LARGE1: variants seen among roughly 807,000 people sequenced by gnomAD.
The protein encoded by LARGE1 is LARGE xylosyl- and glucuronyltransferase 1, also known as xylosyl- and glucuronyltransferase LARGE1.
A neutral mutation model predicts 87.6 loss-of-function variants in LARGE1; 43 were observed. The observed-to-expected ratio is 0.49, with a 90% confidence interval of 0.38 to 0.63. The LOEUF is 0.63. Among genes scored for constraint, LARGE1 ranks in the 30% least tolerant of loss-of-function variants. The pLI is 0.00. For synonymous variants in LARGE1, 434 were observed against 394.6 expected (o/e 1.10, Z -1.18); for missense variants, 802 against 1,000.2 (o/e 0.80, Z 2.67).
chr22:33,179,344 C>A (rs1440593016), intron 11 of LARGE1, among the ~76,000 whole-genome samples: 1 of 152,100 alleles, frequency 6.6e-6, no homozygotes, highest in Non-Finnish European at 1.5e-5. Context: ...AGCCCTTTGC[C>A]CCCTACACAC....
intron 12 of LARGE1, among the ~76,000 whole-genome samples, chr22:33,291,041 A>C (rs949320972): frequency 6.6e-6 from 1 of 151,652 alleles, no homozygotes; most frequent in Non-Finnish European, 1.5e-5. Flanking sequence ...TCCATCTCAA[A>C]AAAAAAAAAA....
intron 11 of LARGE1, among the ~76,000 whole-genome samples, chr22:33,173,280 A>G (rs1480457784): frequency 6.6e-6 from 1 of 152,326 alleles, no homozygotes; most frequent in South Asian, 2.1e-4. Context: ...GCAAAGGAGA[A>G]ATAAAATACA....
chr22:33,311,560 T>C (rs909173857), intron 11 of LARGE1, among the ~76,000 whole-genome samples: 1 of 152,186 alleles, frequency 6.6e-6, no homozygotes, highest in Non-Finnish European at 1.5e-5. Flanking sequence ...ACCCAGACAA[T>C]AATCAGTGAA....
At chr22:33,159,885 C>T (rs998662627), downstream of LARGE1, among the ~76,000 whole-genome samples, 1 of 148,940 alleles carries the variant, frequency 6.7e-6, no homozygotes, top group Non-Finnish European at 1.5e-5. Flanking sequence ...CCATGCCTGG[C>T]AATCAATTTT....
chr22:33,094,073 C>G, the LARGE1 span, among the ~76,000 whole-genome samples: 2 of 151,844 alleles, frequency 1.3e-5, no homozygotes, highest in Admixed American at 1.3e-4. Flanking sequence ...ATTTGTAAAG[C>G]CTTCCTATTT....
chr22:33,104,889 C>CTCTCTCTTTCTTTCTTTCTT, the LARGE1 span, among the ~76,000 whole-genome samples: 54 of 89,222 alleles, frequency 6.1e-4, no homozygotes, highest in East Asian at 6.0e-3. Context: ...GACTTTCTCT[C>CTCTCTCTTTCTTTCTTTCTT]TCTTTCTTTC....
intron 6 of LARGE1, among the ~76,000 whole-genome samples, chr22:33,457,189 G>A (rs979686904): frequency 6.6e-5 from 10 of 151,770 alleles, no homozygotes; most frequent in East Asian, 1.9e-4. Flanking sequence ...GTGCAGTGGC[G>A]TGATCTTGGC....
chr22:33,579,412 G>T (rs1237863847), intron 5 of LARGE1, among the ~76,000 whole-genome samples: 1 of 152,134 alleles, frequency 6.6e-6, no homozygotes, highest in Non-Finnish European at 1.5e-5. Flanking sequence ...CCAGTCTTGG[G>T]TATATCTTTA....
chr22:33,732,664 T>A (rs769773770), intron 2 of LARGE1: 2 of 152,088 alleles, frequency 1.3e-5, no homozygotes, highest in Admixed American at 1.3e-4. Flanking sequence ...GTAATGAAAG[T>A]CTAAGTAAGC....
At chr22:33,786,000 A>C (rs1444893551) in intron 1 of LARGE1, among the ~76,000 whole-genome samples, 1 of 152,230 alleles carries the variant, frequency 6.6e-6, no homozygotes, top group Non-Finnish European at 1.5e-5. Flanking sequence ...CAGTACCAGA[A>C]GCCACAGGCA....
At chr22:33,828,135 G>A (rs1160861248) in intron 1 of LARGE1, among the ~76,000 whole-genome samples, 6 of 152,326 alleles carry the variant, frequency 3.9e-5, no homozygotes, top group African/African-American at 1.4e-4. Context: ...GAGGGGAGAA[G>A]ATGAGCTCTG....
At chr22:33,185,966 A>AT (rs1568964680) in intron 11 of LARGE1, among the ~76,000 whole-genome samples, 1 of 152,148 alleles carries the variant, frequency 6.6e-6, no homozygotes, top group Non-Finnish European at 1.5e-5. Flanking sequence ...CTACCTTATC[A>AT]AACCAGCACA....
intron 11 of LARGE1, among the ~76,000 whole-genome samples, chr22:33,231,701 C>T (rs1429790510): frequency 6.6e-6 from 1 of 152,174 alleles, no homozygotes; most frequent in Non-Finnish European, 1.5e-5. Context: ...GAAGACTAAT[C>T]CAGGTCTTTT....
intron 2 of LARGE1, among the ~76,000 whole-genome samples, chr22:33,729,928 G>A (rs1398780289): frequency 1.3e-5 from 2 of 152,166 alleles, no homozygotes; most frequent in African/African-American, 2.4e-5. Flanking sequence ...CATTGTTGGG[G>A]TATGGAAATG....
At chr22:33,147,146 C>T in the LARGE1 span, among the ~76,000 whole-genome samples, 1 of 152,178 alleles carries the variant, frequency 6.6e-6, no homozygotes, top group African/African-American at 2.4e-5. Context: ...TTTGTCCACT[C>T]TTCTGTTGAT....
intron 6 of LARGE1, among the ~76,000 whole-genome samples, chr22:33,517,412 T>G (rs1010781278): frequency 1.4e-4 from 22 of 152,132 alleles, no homozygotes; most frequent in African/African-American, 5.1e-4. Flanking sequence ...AGAATTCTTT[T>G]TTTGAGACAG....
intron 1 of LARGE1, among the ~76,000 whole-genome samples, chr22:33,906,043 T>C (rs940029084): frequency 4.6e-5 from 7 of 152,088 alleles, no homozygotes; most frequent in African/African-American, 1.7e-4. Flanking sequence ...GACAGGAGAA[T>C]TGCTTAAACC....
intron 9 of LARGE1, among the ~76,000 whole-genome samples, chr22:33,361,595 A>G (rs1223956454): frequency 6.7e-6 from 1 of 149,324 alleles, no homozygotes; most frequent in Non-Finnish European, 1.5e-5. Flanking sequence ...GGGTAGTGTG[A>G]GGGCAGCAGA....
At chr22:33,384,393 C>A in intron 7 of LARGE1, 89 bp from the exon 8 acceptor site, 1 of 932,604 alleles carries the variant, frequency 1.1e-6, no homozygotes, top group South Asian at 1.3e-5. Context: ...GCCACAGTCT[C>A]TCGGGGATGA....
Sources: gnomAD v4.1 joint callset for allele counts (sites outside exome capture counted in the v4.1 genomes callset) on GRCh38, gnomAD v4.1.1 for gene constraint, MANE v1.5 for transcripts, NCBI Gene and HGNC (gene_info 2026-07-23, HGNC 2026-07-21) for gene names.